Variants in SLAMF6 observed in about 807,000 individuals in gnomAD.
SLAMF6 encodes NK-T-B-antigen.
A neutral mutation model predicts 38.3 loss-of-function variants in SLAMF6; 21 were observed. The observed-to-expected ratio is 0.55, with a 90% CI of 0.39 to 0.79. SLAMF6 has a LOEUF of 0.79. Ranked by LOEUF, SLAMF6 falls within the 30% of genes least tolerant of loss-of-function variation. The pLI is 0.00. For missense variants in SLAMF6, 341 were observed against 385.3 expected (o/e 0.89, Z 0.96); for synonymous variants, 152 against 146.3 (o/e 1.04, Z -0.28).
intron 1 of SLAMF6, among the ~76,000 whole-genome samples, chr1:160,517,745 A>C (rs1027070954): frequency 1.3e-5 from 2 of 152,160 alleles, no homozygotes; most frequent in African/African-American, 4.8e-5. Flanking sequence ...CAGCAAACTC[A>C]TACAAGAACA....
rs945090989 is a variant in SLAMF6, at chr1:160,508,296, G to T, written c.50-11903C>A. Among the ~76,000 whole-genome samples the T allele has an allele frequency of 4.6e-5, 7 of 152,212 alleles. No individual in the cohort carries two copies. In the East Asian group the frequency reaches 1.4e-3, roughly 29 times the overall value. On this transcript the variant is annotated intron_variant, in intron 1 of 7. Transcript: ENST00000368057. ...ACAGTAACCAAAACAGCATGGTACT[G>T]GTACCAAAACATATATATAGATCAG... is the stretch of plus-strand genomic sequence containing the variant.
At chr1:160,498,531 T>C (rs7537100) in intron 1 of SLAMF6, among the ~76,000 whole-genome samples, 96,057 of 151,924 alleles carry the variant, frequency 0.63, 31,212 homozygotes, top group South Asian at 0.71. Flanking sequence ...CTCCCCTTTA[T>C]AAAACCATCA....
rs1181570120 is a variant in SLAMF6 at position 160,516,959 on chromosome 1, T to A, written c.49+6185A>T. ...CAGGACATAGGCATGGGCAAAGATT[T>A]CATTATGAAATCACTGAAAGCAATT... On this transcript the variant is annotated intron_variant, in intron 1 of 7. Coordinates refer to ENST00000368057, the MANE Select transcript of SLAMF6 (RefSeq NM_001184714.2). Among the ~76,000 whole-genome samples the A allele has an allele frequency of 2.0e-5, 3 of 152,176 alleles. No individual in the cohort carries two copies. The East Asian group carries it at 5.8e-4, about 29-fold the overall frequency.
chr1:160,508,689 C>G (rs1302426578), intron 1 of SLAMF6, among the ~76,000 whole-genome samples: 1 of 152,106 alleles, frequency 6.6e-6, no homozygotes, highest in Non-Finnish European at 1.5e-5. Context: ...AGCTTCTGCA[C>G]AGCAAAAGAA....
At chr1:160,501,193 G>A (rs1257920359) in intron 1 of SLAMF6, among the ~76,000 whole-genome samples, 1 of 152,074 alleles carries the variant, frequency 6.6e-6, no homozygotes, top group South Asian at 2.1e-4. Flanking sequence ...ATATTTATTA[G>A]GTCTGTTTTA....
At chr1:160,511,790 G>A (rs1175125141) in intron 1 of SLAMF6, among the ~76,000 whole-genome samples, 1 of 152,144 alleles carries the variant, frequency 6.6e-6, no homozygotes, top group Non-Finnish European at 1.5e-5. Flanking sequence ...AGTGAATCCT[G>A]CACCAGCAAC....
intron 1 of SLAMF6, among the ~76,000 whole-genome samples, chr1:160,506,190 T>G (rs1001408548): frequency 6.6e-6 from 1 of 151,994 alleles, no homozygotes; most frequent in African/African-American, 2.4e-5. Context: ...AGAAGAATGA[T>G]CACAAAGAGA....
chr1:160,520,509 A>G (rs2102073282), intron 1 of SLAMF6, among the ~76,000 whole-genome samples: 1 of 152,296 alleles, frequency 6.6e-6, no homozygotes, highest in African/African-American at 2.4e-5. Flanking sequence ...GATTCCCCCA[A>G]GTAATTTATA....
intron 1 of SLAMF6, among the ~76,000 whole-genome samples, chr1:160,520,014 G>C (rs886663467): frequency 2.0e-5 from 3 of 152,124 alleles, no homozygotes; most frequent in African/African-American, 7.2e-5. Flanking sequence ...AAAAACAGAG[G>C]CATGAACACC....
At chr1:160,497,285 G>A (rs193095691) in intron 1 of SLAMF6, among the ~76,000 whole-genome samples, 6 of 152,260 alleles carry the variant, frequency 3.9e-5, no homozygotes, top group Admixed American at 1.3e-4. Context: ...TCTTAAAGAA[G>A]ATGCTTCCTT....
At chr1:160,523,010 C>T in intron 1 of SLAMF6, 134 bp downstream of exon 1, 3 of 866,716 alleles carry the variant, frequency 3.5e-6, no homozygotes, top group Non-Finnish European at 5.6e-6. Flanking sequence ...TCAGGTAACA[C>T]TGCCAGCGTC....
intron 2 of SLAMF6, among the ~76,000 whole-genome samples, chr1:160,495,842 C>A (rs980998494): frequency 6.6e-6 from 1 of 152,148 alleles, no homozygotes; most frequent in Non-Finnish European, 1.5e-5. Context: ...ACCATTTTAT[C>A]GGAGTGAAGT....
intron 5 of SLAMF6, 167 bp from the exon 6 acceptor site, chr1:160,489,337 C>G (rs577093611): frequency 5.7e-6 from 1 of 176,614 alleles, no homozygotes; most frequent in Non-Finnish European, 1.1e-5. Context: ...TCTGGGTGAA[C>G]CTTCTCAGTC....
At chr1:160,511,954 T>C (rs1654494051) in intron 1 of SLAMF6, among the ~76,000 whole-genome samples, 1 of 152,184 alleles carries the variant, frequency 6.6e-6, no homozygotes, top group Non-Finnish European at 1.5e-5. Context: ...GTGATTGTGC[T>C]ACCCCACCCA....
chr1:160,511,566 T>C (rs1182458159), intron 1 of SLAMF6, among the ~76,000 whole-genome samples: 1 of 152,136 alleles, frequency 6.6e-6, no homozygotes, highest in East Asian at 1.9e-4. Flanking sequence ...TATGCAAAAA[T>C]TATCTCAAAA....
At chr1:160,521,671 C>T (rs1372283594) in intron 1 of SLAMF6, among the ~76,000 whole-genome samples, 1 of 152,148 alleles carries the variant, frequency 6.6e-6, no homozygotes, top group Non-Finnish European at 1.5e-5. Flanking sequence ...AGCCTCAGCT[C>T]TACCCCTAGT....
In SLAMF6 at chr1:160,486,659, G is replaced by C. The variant is rs1163855667; in HGVS notation, c.*48C>G. On this transcript the variant is annotated 3_prime_UTR_variant, in exon 8 of 8. Coordinates refer to ENST00000368057, the MANE Select transcript of SLAMF6 (RefSeq NM_001184714.2). ...TCCTGTTCTTTGTTCTGTCTCATGG[G>C]ATCAGAAGACGTGTCATTCCCGAAT... is the stretch of plus-strand genomic sequence containing the variant. The C allele has an allele frequency of 1.3e-6, 2 of 1,544,168 alleles. No homozygotes were observed. The highest frequency in any genetic ancestry group is 1.8e-6 in the Non-Finnish European group (2 of 1,117,056).
intron 7 of SLAMF6, 150 bp downstream of exon 7, chr1:160,486,954 A>G: frequency 1.1e-6 from 1 of 917,628 alleles, no homozygotes; most frequent in East Asian, 2.6e-5. Flanking sequence ...TAACTTCTTG[A>G]TTATGTTTTG....
intron 1 of SLAMF6, among the ~76,000 whole-genome samples, chr1:160,514,365 A>G (rs1435408501): frequency 6.6e-6 from 1 of 152,244 alleles, no homozygotes. Flanking sequence ...ATAAGCTCTT[A>G]GAGACGTACA....
Sources: allele counts gnomAD v4.1 joint callset (sites outside exome capture counted in the v4.1 genomes callset), GRCh38; gene constraint gnomAD v4.1.1; transcripts MANE v1.5; gene names NCBI Gene and HGNC (gene_info 2026-07-23, HGNC 2026-07-21).